TCTN3: variants seen among roughly 807,000 people sequenced by gnomAD.
The protein encoded by TCTN3 is tectonic family member 3, also known as tectonic-3.
TCTN3 carries 57 observed loss-of-function variants against 71.3 expected under a neutral mutation model. The observed-to-expected ratio is 0.80, with a 90% confidence interval of 0.65 to 1.00. The LOEUF (loss-of-function observed/expected upper bound fraction) is 1.00. Among genes scored for constraint, TCTN3 ranks in the 50% least tolerant of loss-of-function variants. The probability of loss-of-function intolerance (pLI) is 0.00; values close to 1 mark genes in which losing one functional copy is unlikely to be tolerated. For missense variants in TCTN3, 696 were observed against 719.9 expected, an observed-to-expected ratio of 0.97 and a Z score of 0.38; for synonymous variants, 258 against 267.8, an observed-to-expected ratio of 0.96 and a Z score of 0.36.
chr10:95,669,369 A>C (rs2097928622), intron 13 of TCTN3, among the ~76,000 whole-genome samples: 1 of 152,230 alleles, frequency 6.6e-6, no homozygotes, highest in Non-Finnish European at 1.5e-5. Context: ...ATCATCACAT[A>C]GTGTATGAAT....
chr10:95,674,372 C>A (rs952330818), intron 13 of TCTN3, among the ~76,000 whole-genome samples: 4 of 151,610 alleles, frequency 2.6e-5, no homozygotes, highest in Non-Finnish European at 5.9e-5. Context: ...TTTAATTTTA[C>A]AAAAGCAGTA....
At chr10:95,690,096 A>G (rs1396718349) in intron 3 of TCTN3, among the ~76,000 whole-genome samples, 1 of 151,736 alleles carries the variant, frequency 6.6e-6, no homozygotes, top group Admixed American at 6.6e-5. Context: ...AAGCAATCCT[A>G]CCTCAGCCTC....
intron 13 of TCTN3, among the ~76,000 whole-genome samples, chr10:95,671,535 C>T (rs1001510859): frequency 7.2e-5 from 11 of 152,132 alleles, no homozygotes; most frequent in African/African-American, 2.2e-4. Flanking sequence ...TAATACCCTA[C>T]GTAAAATCAG....
At position 95,693,652 on chromosome 10, in the gene TCTN3, AG is replaced by A; in HGVS notation, c.247del (p.Leu83SerfsTer12). ...ACAACGTTTTCCCTCACCTGGGAAG[AG>A]GTCCACAGTCCTATTCCCAGGGGCC... is the stretch of plus-strand genomic sequence containing the variant. ...PSAPGNRTVD[L>X]FPVLPICVCD... On this transcript the variant is annotated frameshift_variant, in exon 1 of 14. Transcript: ENST00000371217. LOFTEE classifies it high-confidence loss of function. 3 of 1,550,822 alleles carry A rather than the reference AG, an allele frequency of 1.9e-6. No homozygotes were observed. The highest frequency in any genetic ancestry group is 2.6e-6 in the Non-Finnish European group (3 of 1,146,748).
chr10:95,690,833 T>C (rs1239833630), intron 3 of TCTN3, among the ~76,000 whole-genome samples: 2 of 152,116 alleles, frequency 1.3e-5, no homozygotes, highest in Non-Finnish European at 2.9e-5. Context: ...TGTGTGTAGA[T>C]GCTATGTGTG....
intron 13 of TCTN3, among the ~76,000 whole-genome samples, chr10:95,672,337 G>A (rs1333199759): frequency 1.3e-5 from 2 of 152,100 alleles, no homozygotes; most frequent in African/African-American, 4.8e-5. Flanking sequence ...CCAGTTTTGA[G>A]TGATTATGAA....
At chr10:95,665,495 G>C (rs1367302831) in intron 13 of TCTN3, among the ~76,000 whole-genome samples, 1 of 152,098 alleles carries the variant, frequency 6.6e-6, no homozygotes, top group Non-Finnish European at 1.5e-5. Context: ...TGGCTGGGCT[G>C]GTCTCGAACT....
Position 95,685,566 on chromosome 10 carries a change from A to G in TCTN3, c.959T>C (p.Val320Ala), listed in dbSNP as rs546805063. Reference sequence around the variant, plus strand: ...GGTCAGTATCCCTACCTGAGAAACTACATTCTGACAAGTGTTTCCAGCCAA... The same window carrying G: ...GGTCAGTATCCCTACCTGAGAAACTGCATTCTGACAAGTGTTTCCAGCCAA... ...PLLAGNTCQN[V>A]VSQVTYEIET... is the part of the protein sequence containing the mutation. Residue 320 changes from valine (V) to alanine (A), a missense_variant, in exon 8 of 14, where the codon GTA becomes GCA. Val to Ala is a moderately conservative substitution (Grantham distance 64). Coordinates refer to ENST00000371217, the MANE Select transcript of TCTN3 (RefSeq NM_015631.6). 1.5e-4 allele frequency: 236 copies of G among 1,551,290 alleles called. 2 individuals are homozygous for G. The South Asian group carries it at 2.7e-3, about 18-fold the overall frequency.
chr10:95,679,583 CTTTTTTTTTTTTTTTT>C (rs201828119), intron 13 of TCTN3, among the ~76,000 whole-genome samples: 1 of 96,448 alleles, frequency 1.0e-5, no homozygotes, highest in Non-Finnish European at 2.2e-5. Flanking sequence ...CTAGTCATTT[CTTTTTTTTTTTTTTTT>C]TTTTTTTTTT....
Position 95,664,320 on chromosome 10 carries a change from G to T in TCTN3, c.1591-20C>A. ...AGAATCCTACGGGAAGAAAGTCAAT[G>T]ACAGGTCAGCGCTTGGTACCCATTC... On this transcript the variant is annotated intron_variant, in intron 13 of 13. Transcript: ENST00000371217. 1 of 1,607,770 alleles carries T rather than the reference G, an allele frequency of 6.2e-7. No individual in the cohort carries two copies. Among genetic ancestry groups the T allele is most frequent in the Non-Finnish European group, 8.5e-7 (1 of 1,174,434 alleles).
chr10:95,689,518 C>A (rs1011841825), intron 3 of TCTN3, among the ~76,000 whole-genome samples: 14 of 152,162 alleles, frequency 9.2e-5, no homozygotes, highest in Admixed American at 1.3e-4. Context: ...TATCTTTACA[C>A]ATGAAATAAA....
chr10:95,688,048 A>C (rs2097950136), intron 3 of TCTN3, among the ~76,000 whole-genome samples: 1 of 152,172 alleles, frequency 6.6e-6, no homozygotes, highest in Non-Finnish European at 1.5e-5. Context: ...AGTCAGTTTC[A>C]AGTCATTGAT....
intron 13 of TCTN3, among the ~76,000 whole-genome samples, chr10:95,667,165 C>T (rs1314233172): frequency 1.3e-5 from 2 of 152,076 alleles, no homozygotes; most frequent in Admixed American, 6.6e-5. Context: ...GGCTGAGAAA[C>T]CCCACATGAC....
At chr10:95,682,847 A>C (rs1279854674) in intron 11 of TCTN3, 43 bp from the exon 12 acceptor site, 1 of 1,594,200 alleles carries the variant, frequency 6.3e-7, no homozygotes, top group Non-Finnish European at 8.5e-7. Context: ...ATGCTAACAT[A>C]ATAATATACC....
chr10:95,686,643 A>G (rs2097948578), intron 6 of TCTN3, 113 bp from the exon 7 acceptor site: 3 of 982,234 alleles, frequency 3.1e-6, no homozygotes, highest in East Asian at 4.8e-5. Context: ...GGGAGTCAAT[A>G]TATTAGAATG....
At chr10:95,677,476 TTTTTTTG>T (rs756608026) in intron 13 of TCTN3, among the ~76,000 whole-genome samples, 4,137 of 64,910 alleles carry the variant, frequency 0.064, 205 homozygotes, top group Non-Finnish European at 0.11. Flanking sequence ...AGTCTACAGT[TTTTTTTG>T]TTTTTTTTTT....
intron 3 of TCTN3, among the ~76,000 whole-genome samples, chr10:95,690,283 G>A (rs1360322900): frequency 2.0e-5 from 3 of 152,132 alleles, no homozygotes; most frequent in Admixed American, 1.3e-4. Context: ...ATGCCTGGCT[G>A]TACCAATAGA....
Position 95,686,483 on chromosome 10 carries a change from A to T in TCTN3, c.888+12T>A. The T allele has an allele frequency of 6.2e-7, 1 of 1,613,744 alleles. No homozygotes were observed. The highest frequency in any genetic ancestry group is 8.5e-7 in the Non-Finnish European group (1 of 1,179,902). On this transcript the variant is annotated intron_variant, in intron 7 of 13. Transcript: ENST00000371217. ...ATTCTTTTTCTTTTTTCCTGGTACA[A>T]CAGCATCATACCTCCATATTCTGTG...
chr10:95,687,000 C>A, intron 6 of TCTN3, 44 bp downstream of exon 6: 1 of 1,501,564 alleles, frequency 6.7e-7, no homozygotes. Flanking sequence ...ATGTTCACTT[C>A]AACTTCATAG....
Sources: allele counts gnomAD v4.1 joint callset (sites outside exome capture counted in the v4.1 genomes callset), GRCh38; gene constraint gnomAD v4.1.1; transcripts MANE v1.5; gene names NCBI Gene and HGNC (gene_info 2026-07-23, HGNC 2026-07-21).